The following COL4A1 variants were observed in gnomAD, a reference collection of about 807,000 sequenced individuals.
COL4A1 encodes collagen alpha-1(IV) chain.
Under a neutral mutation model 216.6 loss-of-function variants are expected in COL4A1, and 40 were observed. The observed-to-expected ratio is 0.18, with a 90% CI of 0.14 to 0.24. The LOEUF (loss-of-function observed/expected upper bound fraction) is 0.24, where lower values mean the gene tolerates loss of function less well. Among genes scored for constraint, COL4A1 ranks in the 10% least tolerant of loss-of-function variants. COL4A1 has a pLI of 1.00. For synonymous variants in COL4A1, 839 were observed against 810.7 expected (o/e 1.03, Z -0.59); for missense variants, 1,628 against 2,196.8 (o/e 0.74, Z 5.18).
At chr13:110,259,579 G>A (rs749444198) in intron 1 of COL4A1, among the ~76,000 whole-genome samples, 2 of 152,164 alleles carry the variant, frequency 1.3e-5, no homozygotes, top group Non-Finnish European at 2.9e-5. Context: ...TCAAAAACCA[G>A]AGCGAATCTT....
chr13:110,165,080 C>G, intron 45 of COL4A1, 90 bp from the exon 46 acceptor site: 1 of 1,540,502 alleles, frequency 6.5e-7, no homozygotes, highest in South Asian at 1.2e-5. Flanking sequence ...GTGAAGCTAT[C>G]CAAATGGAAC....
In COL4A1 at chr13:110,175,351, G is replaced by C; in HGVS notation, c.3065C>G (p.Pro1022Arg). Residue 1022 changes from proline to arginine, a missense_variant, in exon 37 of 52, where the codon CCT becomes CGT. Pro to Arg is a moderately radical substitution (Grantham distance 103, BLOSUM62 -2). Around this residue, in one of 8 missense-constraint regions of COL4A1, gnomAD observed 58 missense variants for 132.5 expected, o/e 0.44. Transcript: ENST00000375820. ...GATGCCAGGCACACCTTTCTCTCCA[G>C]GTGTTCCTATAAACACAAACAATTG... ...SVGGMGLPGT[P>R]GEKGVPGIPG... 9 of 1,614,134 alleles carry C rather than the reference G, an allele frequency of 5.6e-6. No homozygotes were observed. The highest frequency in any genetic ancestry group is 7.6e-6 in the Non-Finnish European group (9 of 1,180,020).
chr13:110,183,379 C>G (rs1028610559), intron 26 of COL4A1, 103 bp from the exon 27 acceptor site: 1 of 1,056,038 alleles, frequency 9.5e-7, no homozygotes, highest in African/African-American at 1.6e-5. Context: ...TCCTACCCAG[C>G]ACCACGAGTG....
In COL4A1 at chr13:110,169,778, A is replaced by C. The variant is rs1346462445; in HGVS notation, c.3743-16T>G. On this transcript the variant is annotated splice_polypyrimidine_tract_variant and intron_variant, in intron 42 of 51. Coordinates refer to ENST00000375820, the MANE Select transcript of COL4A1 (RefSeq NM_001845.6). ...CCCGGAAGTCCTAATGGAAGAGAAG[A>C]AAGCCACACATTTGGGGTTAAATAT... 1 of 1,613,726 alleles carries C rather than the reference A, an allele frequency of 6.2e-7. No homozygotes were observed. The highest frequency in any genetic ancestry group is 8.5e-7 in the Non-Finnish European group (1 of 1,179,992).
Position 110,174,172 on chromosome 13 carries a change from C to T in COL4A1, c.3407-174G>A, listed in dbSNP as rs142975120. ...CAGAAAGGACCCTGCGTGCTTTCAG[C>T]AACACCACCAAACCCTGACCCTCAA... On this transcript the variant is annotated intron_variant, in intron 39 of 51. Coordinates refer to ENST00000375820, the MANE Select transcript of COL4A1 (RefSeq NM_001845.6). Among the ~76,000 whole-genome samples, 167 of 152,312 alleles carry T rather than the reference C, an allele frequency of 1.1e-3. 2 individuals carry two copies. Among genetic ancestry groups the T allele is most frequent in the Non-Finnish European group, 1.7e-3 (114 of 68,016 alleles).
At chr13:110,202,814 TA>T (rs1393374127) in intron 18 of COL4A1, among the ~76,000 whole-genome samples, 14 of 152,256 alleles carry the variant, frequency 9.2e-5, no homozygotes, top group Admixed American at 9.2e-4. Flanking sequence ...TGACCAGTAG[TA>T]AAATGTTATT....
intron 2 of COL4A1, among the ~76,000 whole-genome samples, chr13:110,233,814 T>C (rs1672809302): frequency 6.6e-6 from 1 of 152,214 alleles, no homozygotes; most frequent in African/African-American, 2.4e-5. Context: ...AAACACTACC[T>C]AATGGCCCTG....
At chr13:110,229,651 G>A (rs1880919202) in intron 2 of COL4A1, among the ~76,000 whole-genome samples, 1 of 152,150 alleles carries the variant, frequency 6.6e-6, no homozygotes, top group Non-Finnish European at 1.5e-5. Context: ...AGTGTTCTTA[G>A]AAAAAAGACC....
In COL4A1 at chr13:110,186,424, C is replaced by G. The variant is rs372803920; in HGVS notation, c.1858G>C (p.Ala620Pro). ...GATCCAGGGCCTCCAGGAAAGCCTG[C>G]TTGTCCTTTGTCACCAATGGGACCA... Reference protein sequence around the residue: ...PAGPIGDKGQAGFPGGPGSPG... With the variant: ...PAGPIGDKGQPGFPGGPGSPG... Residue 620 changes from alanine to proline, a missense_variant, in exon 26 of 52, where the codon GCA (alanine) becomes CCA (proline). Around this residue, in one of 8 missense-constraint regions of COL4A1, gnomAD observed 701 missense variants for 892.5 expected, o/e 0.79. Transcript: ENST00000375820. The G allele has an allele frequency of 1.5e-4, 249 of 1,613,632 alleles. No individual in the cohort carries two copies. Among genetic ancestry groups the G allele is most frequent in the Non-Finnish European group, 2.0e-4 (240 of 1,180,042 alleles).
At chr13:110,200,097 A>T (rs1199568143) in intron 20 of COL4A1, among the ~76,000 whole-genome samples, 1 of 152,258 alleles carries the variant, frequency 6.6e-6, no homozygotes, top group Non-Finnish European at 1.5e-5. Context: ...AAATGTAAAC[A>T]TCAAAAACAA....
At chr13:110,182,904 C>T (rs1458217846) in intron 28 of COL4A1, 89 bp downstream of exon 28, 2 of 1,262,840 alleles carry the variant, frequency 1.6e-6, no homozygotes, top group Non-Finnish European at 2.2e-6. Context: ...CGGTCACCAG[C>T]TTCTGTGGTG....
At chr13:110,241,312 G>A (rs899429739) in intron 2 of COL4A1, among the ~76,000 whole-genome samples, 2 of 152,224 alleles carry the variant, frequency 1.3e-5, no homozygotes, top group African/African-American at 4.8e-5. Context: ...GTCCCTAGGA[G>A]GGAGCAGGGC....
At chr13:110,161,920 C>A (rs1304725035) in intron 48 of COL4A1, 1 of 435,086 alleles carries the variant, frequency 2.3e-6, no homozygotes, top group Non-Finnish European at 4.2e-6. Flanking sequence ...TAAGTGCACT[C>A]CAGGAATCTT....
chr13:110,291,338 G>C (rs1446581171), intron 1 of COL4A1, among the ~76,000 whole-genome samples: 1 of 152,168 alleles, frequency 6.6e-6, no homozygotes, highest in Non-Finnish European at 1.5e-5. Context: ...CTGCAACTAG[G>C]AGGCAATGGC....
At chr13:110,289,247 G>A (rs1032950273) in intron 1 of COL4A1, among the ~76,000 whole-genome samples, 1 of 152,160 alleles carries the variant, frequency 6.6e-6, no homozygotes, top group Non-Finnish European at 1.5e-5. Context: ...CCTAAGCCTG[G>A]AGGTAGAGGG....
Position 110,192,238 on chromosome 13 carries a change from G to A in COL4A1, c.1512C>T (p.Gly504=). ...PGAKGDRGLP[G]RDGVAGVPGP... ...CTGGCACTCCTGCAACACCATCTCT[G>A]CCAGGCAAACCTCTGTCGCCCTTGG... The change falls in exon 24 of 52, where the codon GGC becomes GGT. Residue 504 remains glycine (G), a synonymous_variant. Transcript: ENST00000375820. 2 of 1,614,148 alleles carry A rather than the reference G, an allele frequency of 1.2e-6. No individual in the cohort carries two copies. Among genetic ancestry groups the A allele is most frequent in the Non-Finnish European group, 1.7e-6 (2 of 1,180,030 alleles).
intron 2 of COL4A1, among the ~76,000 whole-genome samples, chr13:110,222,780 A>AAAT (rs1426197866): frequency 2.4e-5 from 2 of 84,620 alleles, no homozygotes; most frequent in Non-Finnish European, 5.7e-5. Context: ...TTTAAAAAAA[A>AAAT]AAAAAAAAAA....
intron 1 of COL4A1, among the ~76,000 whole-genome samples, chr13:110,251,761 G>A (rs771905172): frequency 7.2e-5 from 11 of 152,200 alleles, no homozygotes; most frequent in Non-Finnish European, 1.6e-4. Context: ...ACAGAATTAA[G>A]ACAGCACATT....
intron 2 of COL4A1, among the ~76,000 whole-genome samples, chr13:110,231,505 A>G (rs1214589487): frequency 6.6e-6 from 1 of 152,108 alleles, no homozygotes; most frequent in African/African-American, 2.4e-5. Context: ...ATTTCTTCCC[A>G]TTGGACATCC....
Sources: allele counts gnomAD v4.1 joint callset (sites outside exome capture counted in the v4.1 genomes callset), GRCh38; gene constraint gnomAD v4.1.1; regional missense constraint gnomAD v4.1.1; transcripts MANE v1.5; gene names NCBI Gene and HGNC (gene_info 2026-07-23, HGNC 2026-07-21).